ZNF136: variants seen among roughly 807,000 people sequenced by gnomAD.
ZNF136 encodes the protein zinc finger protein 136.
ZNF136 carries 8 observed loss-of-function variants against 11.4 expected under a neutral mutation model. The observed-to-expected ratio is 0.70, with a 90% confidence interval of 0.41 to 1.27. ZNF136 has a LOEUF of 1.27. Among genes scored for constraint, ZNF136 ranks in the 50% most tolerant of loss-of-function variants. The pLI is 0.01. For missense variants in ZNF136, 590 were observed against 656.5 expected (o/e 0.90, Z 1.11); for synonymous variants, 190 against 207.1 (o/e 0.92, Z 0.71).
At position 12,174,861 on chromosome 19, in the gene ZNF136, T is replaced by C. The variant is rs544859910; in HGVS notation, c.4-10924T>C. The stretch of plus-strand genomic sequence containing the variant: ...CATGTTAGTCAGGATGGCTTTCTTT[T>C]TTTTTTTTTTTTTTGAGACGGAATC... On this transcript the variant is annotated intron_variant, in intron 1 of 3. Transcript: ENST00000343979. Among the ~76,000 whole-genome samples, 198 of 147,138 alleles carry C rather than the reference T, an allele frequency of 1.3e-3. 1 individual carries two copies. The highest frequency in any genetic ancestry group is 2.1e-3 in the Non-Finnish European group (139 of 66,698).
intron 1 of ZNF136, among the ~76,000 whole-genome samples, chr19:12,165,310 C>T (rs1977170893): frequency 1.3e-5 from 2 of 152,182 alleles, no homozygotes; most frequent in Non-Finnish European, 2.9e-5. Flanking sequence ...CCTCTGCTGA[C>T]ACTGGAGTCA....
At chr19:12,174,117 C>A (rs532380819) in intron 1 of ZNF136, among the ~76,000 whole-genome samples, 1 of 152,206 alleles carries the variant, frequency 6.6e-6, no homozygotes, top group African/African-American at 2.4e-5. Flanking sequence ...GTTGGTCAGG[C>A]TGGTCTCAAT....
chr19:12,166,303 G>A (rs1312649456), intron 1 of ZNF136, among the ~76,000 whole-genome samples: 3 of 152,114 alleles, frequency 2.0e-5, no homozygotes, highest in South Asian at 2.1e-4. Context: ...CAGATCATGT[G>A]TAGTATATGT....
Position 12,188,098 on chromosome 19 carries a change from T to A in ZNF136, c.*97T>A. On this transcript the variant is annotated 3_prime_UTR_variant, in exon 4 of 4. Transcript: ENST00000343979. Reference sequence around the variant, plus strand: ...AAAGCATGAAATTCTGTCAGTGCCTTTTTTAATACATGAAAGAATTCTAGA... The same window carrying A: ...AAAGCATGAAATTCTGTCAGTGCCTATTTTAATACATGAAAGAATTCTAGA... 9.5e-7 allele frequency: 1 copy of A among 1,057,878 alleles called. No individual in the cohort carries two copies. The highest frequency in any genetic ancestry group is 1.3e-6 in the Non-Finnish European group (1 of 773,898). 65.5% of individuals were successfully genotyped at this position (1,057,878 alleles called of 1,614,324 possible). A position where few individuals can be genotyped will look rare whatever the true frequency, so the allele number is the denominator to read the frequency against.
intron 1 of ZNF136, among the ~76,000 whole-genome samples, chr19:12,171,357 T>G (rs996927627): frequency 6.6e-6 from 1 of 152,214 alleles, no homozygotes; most frequent in East Asian, 1.9e-4. Context: ...GGAATGCCAA[T>G]GGAATATATG....
chr19:12,181,330 C>G (rs1215795822), intron 1 of ZNF136, among the ~76,000 whole-genome samples: 8 of 152,160 alleles, frequency 5.3e-5, no homozygotes. Flanking sequence ...ATCAAATCCA[C>G]CCCCGGCCTA....
In ZNF136 at chr19:12,163,192, G is replaced by C; in HGVS notation, c.-12G>C. ...CCGGAGGGAGGAAGCTGGGACACCCGGGAGTCAGGAAATGGTGAGTGTGTC... is the reference window on the plus strand; with the variant it reads ...CCGGAGGGAGGAAGCTGGGACACCCCGGAGTCAGGAAATGGTGAGTGTGTC... On this transcript the variant is annotated 5_prime_UTR_variant, in exon 1 of 4. Transcript: ENST00000343979. 1 of 1,400,158 alleles carries C rather than the reference G, an allele frequency of 7.1e-7. No individual in the cohort carries two copies. The highest frequency in any genetic ancestry group is 9.3e-7 in the Non-Finnish European group (1 of 1,070,812). 86.7% of individuals were successfully genotyped at this position (1,400,158 alleles called of 1,614,324 possible).
At chr19:12,168,317 G>A (rs1914542235) in intron 1 of ZNF136, among the ~76,000 whole-genome samples, 1 of 151,574 alleles carries the variant, frequency 6.6e-6, no homozygotes, top group Non-Finnish European at 1.5e-5. Context: ...CAGGTGATCT[G>A]CCTACCTCAG....
rs777933885 is a variant in ZNF136, at chr19:12,185,775, G to A, written c.4-10G>A. On this transcript the variant is annotated splice_polypyrimidine_tract_variant and intron_variant, in intron 1 of 3. Coordinates refer to ENST00000343979, the MANE Select transcript of ZNF136 (RefSeq NM_003437.5). ...CCCATTCTCCTCTCCACATATGTGGGATGTTTCAGGACTCGGTGGCTTTTG... is the reference window on the plus strand; with the variant it reads ...CCCATTCTCCTCTCCACATATGTGGAATGTTTCAGGACTCGGTGGCTTTTG... The A allele has an allele frequency of 1.3e-5, 21 of 1,612,056 alleles. No individual in the cohort carries two copies. In the South Asian group the frequency reaches 2.3e-4, roughly 18 times the overall value.
rs1026972302 is a variant in ZNF136 at position 12,186,711 on chromosome 19, C to T, written c.333C>T (p.Ser111=). 1.2e-5 allele frequency: 20 copies of T among 1,613,998 alleles called. No homozygotes were observed. The East Asian group carries it at 4.5e-4, about 36-fold the overall frequency. ...LCESIVYGEV[S]MGQSSLNRHI... The stretch of plus-strand genomic sequence containing the variant: ...AAAGCATTGTATATGGAGAAGTCAG[C>T]ATGGGTCAGTCATCCCTTAATAGAC... The change falls in exon 4 of 4, where the codon AGC becomes AGT. Residue 111 remains serine, a synonymous_variant. Coordinates refer to ENST00000343979, the MANE Select transcript of ZNF136 (RefSeq NM_003437.5).
chr19:12,168,538 C>G (rs1017100992), intron 1 of ZNF136, among the ~76,000 whole-genome samples: 6 of 152,080 alleles, frequency 3.9e-5, no homozygotes, highest in African/African-American at 1.2e-4. Flanking sequence ...GTCCTATACT[C>G]CCTTCCCTGG....
intron 1 of ZNF136, among the ~76,000 whole-genome samples, chr19:12,179,672 G>T (rs564985940): frequency 8.2e-4 from 125 of 152,208 alleles, no homozygotes; most frequent in African/African-American, 2.9e-3. Context: ...TTCAAAGCAA[G>T]AAGCTTCTCT....
At position 12,188,239 on chromosome 19, in the gene ZNF136, C is replaced by T; in HGVS notation, c.*238C>T. ...CAAACAAATGCTTTTTGGAAAGGAA[C>T]CCATATTTGAGAGAAACCCTGGGTA... On this transcript the variant is annotated 3_prime_UTR_variant, in exon 4 of 4. Transcript: ENST00000343979. 1 of 368,434 alleles carries T rather than the reference C, an allele frequency of 2.7e-6. No homozygotes were observed. The highest frequency in any genetic ancestry group is 2.1e-5 in the African/African-American group (1 of 47,906). 22.8% of individuals were successfully genotyped at this position (368,434 alleles called of 1,614,324 possible).
intron 1 of ZNF136, among the ~76,000 whole-genome samples, chr19:12,173,781 G>C (rs1011534858): frequency 6.6e-6 from 1 of 152,108 alleles, no homozygotes; most frequent in Non-Finnish European, 1.5e-5. Context: ...GGATGTGTGG[G>C]GTCAGTCTCG....
chr19:12,163,591 G>C (rs1235047165), intron 1 of ZNF136, among the ~76,000 whole-genome samples: 1 of 152,206 alleles, frequency 6.6e-6, no homozygotes, highest in Non-Finnish European at 1.5e-5. Flanking sequence ...AGTTTTCTAA[G>C]TGTATGGGAT....
intron 1 of ZNF136, among the ~76,000 whole-genome samples, chr19:12,183,350 G>A (rs1194743251): frequency 6.6e-6 from 1 of 151,986 alleles, no homozygotes; most frequent in Non-Finnish European, 1.5e-5. Flanking sequence ...TGCCCAGGCT[G>A]GTCTCAATCT....
chr19:12,187,501 T>A lies in ZNF136; in HGVS notation c.1123T>A (p.Cys375Ser). The change falls in exon 4 of 4, where the codon TGT becomes AGT. Residue 375 changes from cysteine (C) to serine (S), a missense_variant. Coordinates refer to ENST00000343979, the MANE Select transcript of ZNF136 (RefSeq NM_003437.5). ...ECKECGEAFS[C>S]IPSMRRHMIK... Reference sequence around the variant, plus strand: ...TAAGGAATGTGGGGAAGCATTCAGTTGTATCCCAAGTATGCGAAGACACAT... The same window carrying A: ...TAAGGAATGTGGGGAAGCATTCAGTAGTATCCCAAGTATGCGAAGACACAT... 6.2e-7 allele frequency: 1 copy of A among 1,613,732 alleles called. No homozygotes were observed. The highest frequency in any genetic ancestry group is 8.5e-7 in the Non-Finnish European group (1 of 1,179,936).
intron 1 of ZNF136, among the ~76,000 whole-genome samples, chr19:12,183,522 C>T (rs1914998015): frequency 2.0e-5 from 3 of 152,094 alleles, no homozygotes; most frequent in Admixed American, 1.3e-4. Flanking sequence ...GGGAGAATCA[C>T]TCTTCATTAT....
intron 1 of ZNF136, among the ~76,000 whole-genome samples, chr19:12,176,846 C>T (rs1230007692): frequency 6.6e-6 from 1 of 152,026 alleles, no homozygotes. Context: ...TCTGCAAGCA[C>T]CTGTTTATGT....
Sources: gnomAD v4.1 joint callset for allele counts (sites outside exome capture counted in the v4.1 genomes callset) on GRCh38, gnomAD v4.1.1 for gene constraint, MANE v1.5 for transcripts, NCBI Gene and HGNC (gene_info 2026-07-23, HGNC 2026-07-21) for gene names.